BABAM2: variants seen among roughly 807,000 people sequenced by gnomAD.
BABAM2 encodes the protein BRISC and BRCA1 A complex member 2, also known as BRISC and BRCA1-A complex member 2.
BABAM2 carries 31 observed loss-of-function variants against 54.7 expected under a neutral mutation model. The observed-to-expected ratio is 0.57, with a 90% CI of 0.43 to 0.77. BABAM2 has a LOEUF of 0.77. Ranked by LOEUF, BABAM2 falls within the 30% of genes least tolerant of loss-of-function variation. The pLI is 0.00. For synonymous variants in BABAM2, 167 were observed against 162.9 expected (o/e 1.03, Z -0.19); for missense variants, 364 against 455.8 (o/e 0.80, Z 1.83).
intron 6 of BABAM2, among the ~76,000 whole-genome samples, chr2:28,069,027 A>G (rs1663884565): frequency 6.6e-6 from 1 of 152,212 alleles, no homozygotes; most frequent in Non-Finnish European, 1.5e-5. Flanking sequence ...CAAACTGAAT[A>G]AAGATAGCTA....
intron 6 of BABAM2, among the ~76,000 whole-genome samples, chr2:28,103,216 A>T (rs1416568056): frequency 1.3e-5 from 2 of 152,118 alleles, no homozygotes; most frequent in Non-Finnish European, 2.9e-5. Flanking sequence ...TTCCAGATGG[A>T]TGAAGCAGAA....
At chr2:28,240,895 C>A (rs1812349) in intron 8 of BABAM2, among the ~76,000 whole-genome samples, 128,098 of 147,836 alleles carry the variant, frequency 0.87, 56,646 homozygotes, top group East Asian at 1. Context: ...ACAAAAAAAA[C>A]CCATTTATTT....
chr2:28,061,721 TA>T (rs907617005), intron 6 of BABAM2, among the ~76,000 whole-genome samples: 12 of 151,928 alleles, frequency 7.9e-5, no homozygotes, highest in African/African-American at 2.9e-4. Context: ...GACCTAAAAG[TA>T]AAACCTGAAA....
intron 5 of BABAM2, among the ~76,000 whole-genome samples, chr2:28,025,691 C>A (rs543981758): frequency 2.2e-4 from 33 of 152,290 alleles, no homozygotes; most frequent in Admixed American, 7.8e-4. Flanking sequence ...AGGGCCTGCA[C>A]GTGCTACCAG....
intron 10 of BABAM2, among the ~76,000 whole-genome samples, chr2:28,278,660 C>A (rs1199835179): frequency 6.6e-6 from 1 of 152,146 alleles, no homozygotes; most frequent in Admixed American, 6.5e-5. Flanking sequence ...AGCCACAGAG[C>A]TGGTAGAATT....
At chr2:28,260,659 G>C (rs780827876) in intron 10 of BABAM2, among the ~76,000 whole-genome samples, 1 of 152,034 alleles carries the variant, frequency 6.6e-6, no homozygotes, top group African/African-American at 2.4e-5. Context: ...GCCTTTCCCT[G>C]TGCGTTCTAG....
At position 28,328,974 on chromosome 2, in the gene BABAM2, G is replaced by T. The variant is rs147937269; in HGVS notation, c.1089-9476G>T. Among the ~76,000 whole-genome samples the T allele has an allele frequency of 2.6e-3, 400 of 152,292 alleles. 3 individuals are homozygous for T. Among genetic ancestry groups the T allele is most frequent in the African/African-American group, 9.3e-3 (387 of 41,556 alleles). ...TTATGGATTTTTATCCTTTTGAAAA[G>T]ATCTATTGAATCAATAAAGCATTGT... On this transcript the variant is annotated intron_variant, in intron 11 of 11. Transcript: ENST00000379624.
chr2:28,017,508 T>C (rs901402293), intron 4 of BABAM2, among the ~76,000 whole-genome samples: 1 of 152,212 alleles, frequency 6.6e-6, no homozygotes, highest in African/African-American at 2.4e-5. Context: ...TTTTTCCTTT[T>C]CAACAGCTTT....
At chr2:28,226,803 G>T (rs1053692689) in intron 7 of BABAM2, among the ~76,000 whole-genome samples, 1 of 152,016 alleles carries the variant, frequency 6.6e-6, no homozygotes, top group African/African-American at 2.4e-5. Context: ...TATCCAGGGA[G>T]GTTTTAGCCC....
intron 6 of BABAM2, among the ~76,000 whole-genome samples, chr2:28,112,086 T>TTTCTTTCTTTCTTTCTTTCC (rs1315285621): frequency 1.1e-3 from 5 of 4,724 alleles, no homozygotes; most frequent in African/African-American, 3.6e-3. Context: ...CCCATTACTC[T>TTTCTTTCTTTCTTTCTTTCC]TTCTTTCTTT....
intron 3 of BABAM2, among the ~76,000 whole-genome samples, chr2:27,947,810 G>C (rs1669410943): frequency 6.6e-6 from 1 of 152,120 alleles, no homozygotes; most frequent in Non-Finnish European, 1.5e-5. Flanking sequence ...AAAAAGTATG[G>C]ACATCCACAT....
chr2:28,157,673 G>A (rs113818432), intron 7 of BABAM2, among the ~76,000 whole-genome samples: 44 of 152,252 alleles, frequency 2.9e-4, no homozygotes, highest in African/African-American at 8.7e-4. Flanking sequence ...GTGCAATGGC[G>A]CGATCTCGGC....
At chr2:28,093,194 C>T (rs1245900452) in intron 6 of BABAM2, among the ~76,000 whole-genome samples, 1 of 152,126 alleles carries the variant, frequency 6.6e-6, no homozygotes, top group Non-Finnish European at 1.5e-5. Context: ...TTTTTATGCT[C>T]ATCCCAACAA....
At chr2:27,970,945 A>G (rs1429961700) in intron 3 of BABAM2, among the ~76,000 whole-genome samples, 2 of 152,102 alleles carry the variant, frequency 1.3e-5, no homozygotes, top group Non-Finnish European at 2.9e-5. Context: ...GGCTGTATTC[A>G]GTTTAAACAT....
chr2:28,153,442 T>G (rs1672246592), intron 7 of BABAM2, among the ~76,000 whole-genome samples: 1 of 152,238 alleles, frequency 6.6e-6, no homozygotes, highest in Non-Finnish European at 1.5e-5. Context: ...CAACTTGTCT[T>G]TGGTCAAAAC....
At chr2:28,173,737 C>T (rs1175006216) in intron 7 of BABAM2, among the ~76,000 whole-genome samples, 2 of 152,186 alleles carry the variant, frequency 1.3e-5, no homozygotes, top group Admixed American at 1.3e-4. Context: ...ATGATATTGT[C>T]CTTTCTGTTT....
chr2:27,950,390 T>C (rs764848704), intron 3 of BABAM2, among the ~76,000 whole-genome samples: 13 of 152,200 alleles, frequency 8.5e-5, no homozygotes, highest in Middle Eastern at 3.2e-3. Context: ...CAGATACTTA[T>C]CTTCATCTAT....
intron 10 of BABAM2, among the ~76,000 whole-genome samples, chr2:28,253,446 T>C (rs963331329): frequency 2.0e-5 from 3 of 151,728 alleles, no homozygotes; most frequent in Admixed American, 6.6e-5. Flanking sequence ...CTCTAGACAC[T>C]GTTCTCAGTA....
At chr2:28,083,489 T>G (rs1665363731) in intron 6 of BABAM2, among the ~76,000 whole-genome samples, 1 of 152,224 alleles carries the variant, frequency 6.6e-6, no homozygotes, top group South Asian at 2.1e-4. Context: ...TTGTATGGCT[T>G]AACAGTAGTT....
Sources: gnomAD v4.1 joint callset for allele counts (sites outside exome capture counted in the v4.1 genomes callset) on GRCh38, gnomAD v4.1.1 for gene constraint, MANE v1.5 for transcripts, NCBI Gene and HGNC (gene_info 2026-07-23, HGNC 2026-07-21) for gene names.